Variants in DLG2 observed in about 807,000 individuals in gnomAD.
The protein encoded by DLG2 is discs large MAGUK scaffold protein 2, also known as disks large homolog 2.
A neutral mutation model predicts 132.5 loss-of-function variants in DLG2; 45 were observed. The ratio of observed to expected loss-of-function variants is 0.34; its 90% CI spans 0.27 to 0.44. The LOEUF (loss-of-function observed/expected upper bound fraction) is 0.44. Among genes scored for constraint, DLG2 ranks in the 20% least tolerant of loss-of-function variants. DLG2 has a pLI of 1.00. For missense variants in DLG2, 1,045 were observed against 1,196.9 expected, an observed-to-expected ratio of 0.87 and a Z score of 1.87; for synonymous variants, 424 against 419.6, an observed-to-expected ratio of 1.01 and a Z score of -0.13.
chr11:84,161,213 GA>G (rs1237227673), intron 9 of DLG2, among the ~76,000 whole-genome samples: 1 of 151,584 alleles, frequency 6.6e-6, no homozygotes, highest in African/African-American at 2.4e-5. Flanking sequence ...CTAGAGAAGA[GA>G]AAAAAAAGTG....
chr11:84,420,447 C>G (rs890670252), intron 7 of DLG2, among the ~76,000 whole-genome samples: 2 of 152,000 alleles, frequency 1.3e-5, no homozygotes, highest in Non-Finnish European at 2.9e-5. Flanking sequence ...TCACTCTGAC[C>G]CTAGTAGAAA....
chr11:84,011,750 T>C (rs961549365), intron 11 of DLG2, among the ~76,000 whole-genome samples: 1 of 152,104 alleles, frequency 6.6e-6, no homozygotes, highest in Non-Finnish European at 1.5e-5. Flanking sequence ...TGGCCAAATA[T>C]AGCATTTGGA....
chr11:84,077,538 C>CA (rs1300594036), intron 10 of DLG2, among the ~76,000 whole-genome samples: 2 of 150,924 alleles, frequency 1.3e-5, no homozygotes, highest in East Asian at 1.9e-4. Context: ...ACTTAAAAAA[C>CA]AAAAACAAGG....
At chr11:85,181,343 C>T (rs1435366910) in intron 4 of DLG2, among the ~76,000 whole-genome samples, 1 of 151,678 alleles carries the variant, frequency 6.6e-6, no homozygotes, top group Admixed American at 6.6e-5. Flanking sequence ...AATCCACTTA[C>T]ACCCTTTTAG....
intron 16 of DLG2, among the ~76,000 whole-genome samples, chr11:83,855,985 C>T (rs2060481935): frequency 6.6e-6 from 1 of 152,170 alleles, no homozygotes; most frequent in Non-Finnish European, 1.5e-5. Context: ...TCTCCCTCCT[C>T]CCACCCTCCA....
At chr11:84,081,469 A>G (rs1029170548) in intron 10 of DLG2, among the ~76,000 whole-genome samples, 2 of 151,896 alleles carry the variant, frequency 1.3e-5, no homozygotes, top group Non-Finnish European at 2.9e-5. Flanking sequence ...GGAATACTGG[A>G]GCCAGTTAAT....
intron 3 of DLG2, among the ~76,000 whole-genome samples, chr11:85,394,663 T>C (rs762678080): frequency 6.6e-6 from 1 of 152,220 alleles, no homozygotes; most frequent in Non-Finnish European, 1.5e-5. Flanking sequence ...AATGAATCAC[T>C]GAATAAGGCC....
intron 11 of DLG2, among the ~76,000 whole-genome samples, chr11:84,000,094 G>A (rs146507385): frequency 8.5e-4 from 129 of 152,126 alleles, no homozygotes; most frequent in Admixed American, 1.7e-3. Flanking sequence ...TGATATAGAA[G>A]AGAATTATGA....
At position 85,554,896 on chromosome 11, in the gene DLG2, G is replaced by GC. The variant is rs2076851290; in HGVS notation, c.40+43760dup. 7.9e-5 allele frequency among the ~76,000 whole-genome samples: 12 copies of GC among 151,456 alleles called. No individual in the cohort carries two copies. In the South Asian group the frequency reaches 2.5e-3, roughly 32 times the overall value. Reference sequence around the variant, plus strand: ...GAATCATGGCTCAACCAGTCCCATGGCCCCCACCCAGAGGCTGACAGTGCA... The same window carrying GC: ...GAATCATGGCTCAACCAGTCCCATGGCCCCCCACCCAGAGGCTGACAGTGCA... On this transcript the variant is annotated intron_variant, in intron 3 of 27. Coordinates refer to ENST00000376104, the MANE Select transcript of DLG2 (RefSeq NM_001142699.3).
chr11:84,317,537 G>A (rs1370492141), intron 7 of DLG2, among the ~76,000 whole-genome samples: 1 of 152,006 alleles, frequency 6.6e-6, no homozygotes, highest in African/African-American at 2.4e-5. Flanking sequence ...CCCTTTCCTT[G>A]CCGATCCCCA....
At chr11:85,465,236 G>C (rs1037218958) in intron 3 of DLG2, among the ~76,000 whole-genome samples, 1 of 150,496 alleles carries the variant, frequency 6.6e-6, no homozygotes, top group Non-Finnish European at 1.5e-5. Flanking sequence ...TCAAACTCCT[G>C]GGCTCAAGCA....
At chr11:85,093,670 A>G (rs1032715693) in intron 6 of DLG2, among the ~76,000 whole-genome samples, 1 of 152,246 alleles carries the variant, frequency 6.6e-6, no homozygotes, top group Non-Finnish European at 1.5e-5. Context: ...TTATAAAACC[A>G]TCAGATGTCA....
intron 6 of DLG2, among the ~76,000 whole-genome samples, chr11:84,857,652 C>A (rs139455764): frequency 3.9e-5 from 6 of 151,982 alleles, no homozygotes; most frequent in African/African-American, 1.4e-4. Context: ...TATTTAGTCC[C>A]TATTTTAAAA....
intron 18 of DLG2, among the ~76,000 whole-genome samples, chr11:83,644,836 A>G (rs977256672): frequency 6.6e-6 from 1 of 152,126 alleles, no homozygotes; most frequent in Non-Finnish European, 1.5e-5. Flanking sequence ...ATGGATTTGG[A>G]ATTGTCACTT....
chr11:83,961,349 A>G (rs1193876709), intron 14 of DLG2, among the ~76,000 whole-genome samples: 1 of 151,968 alleles, frequency 6.6e-6, no homozygotes, highest in East Asian at 1.9e-4. Flanking sequence ...CTAGCCACAT[A>G]TTTCTATGAT....
chr11:84,067,896 A>T (rs569085652), intron 10 of DLG2, among the ~76,000 whole-genome samples: 5 of 152,352 alleles, frequency 3.3e-5, no homozygotes, highest in Non-Finnish European at 7.3e-5. Flanking sequence ...GATATGGGCC[A>T]ATGTAGTAAT....
At chr11:85,023,564 TTAAA>T (rs1476214215) in intron 6 of DLG2, among the ~76,000 whole-genome samples, 2 of 152,096 alleles carry the variant, frequency 1.3e-5, no homozygotes, top group South Asian at 2.1e-4. Flanking sequence ...ATAATAGAGA[TTAAA>T]TAAATACACA....
At chr11:85,215,191 T>A (rs35439288) in intron 4 of DLG2, among the ~76,000 whole-genome samples, 1 of 152,196 alleles carries the variant, frequency 6.6e-6, no homozygotes, top group East Asian at 1.9e-4. Context: ...ATTTTCAGAA[T>A]GAGAGGAGGT....
chr11:85,308,744 C>T (rs1353661243), intron 3 of DLG2, among the ~76,000 whole-genome samples: 4 of 152,032 alleles, frequency 2.6e-5, no homozygotes, highest in African/African-American at 9.7e-5. Flanking sequence ...AACTAATATG[C>T]AAAATTATTT....
Sources: gnomAD v4.1 joint callset for allele counts (sites outside exome capture counted in the v4.1 genomes callset) on GRCh38, gnomAD v4.1.1 for gene constraint, MANE v1.5 for transcripts, NCBI Gene and HGNC (gene_info 2026-07-23, HGNC 2026-07-21) for gene names.